The following DMD variants were observed in gnomAD, a reference collection of about 807,000 sequenced individuals.
The protein encoded by DMD is mutant dystrophin.
DMD carries 63 observed loss-of-function variants against 330.1 expected under a neutral mutation model. The observed-to-expected ratio is 0.19, with a 90% CI of 0.16 to 0.24. The LOEUF (loss-of-function observed/expected upper bound fraction) is 0.24, where lower values mean the gene tolerates loss of function less well. Ranked by LOEUF, DMD falls within the 10% of genes least tolerant of loss-of-function variation. The probability of loss-of-function intolerance (pLI) is 1.00; values close to 1 mark genes in which losing one functional copy is unlikely to be tolerated. For missense variants in DMD, 3,344 were observed against 2,684.1 expected (o/e 1.25, Z -5.43); for synonymous variants, 1,223 against 959.8 (o/e 1.27, Z -5.07).
chrX:32,092,759 T>C (rs12394649), intron 44 of DMD, among the ~76,000 whole-genome samples: 1 of 60,914 alleles, frequency 1.6e-5, no homozygotes, highest in African/African-American at 6.1e-5. Context: ...TTTTTTTTTA[T>C]AGAAACACAG....
chrX:32,430,730 T>G (rs1156504654), intron 29 of DMD, among the ~76,000 whole-genome samples: 4 of 111,517 alleles, frequency 3.6e-5, no homozygotes, highest in Non-Finnish European at 7.5e-5. Context: ...CCCTAGCCCC[T>G]GGCAGGAAGC....
At chrX:32,719,895 G>C (rs949702469) in intron 7 of DMD, among the ~76,000 whole-genome samples, 1 of 109,361 alleles carries the variant, frequency 9.1e-6, no homozygotes, top group African/African-American at 3.3e-5. Context: ...CATATAATAC[G>C]TTGTTATCCC....
intron 55 of DMD, among the ~76,000 whole-genome samples, chrX:31,581,464 A>G (rs2076337349): frequency 8.9e-6 from 1 of 112,170 alleles, no homozygotes; most frequent in African/African-American, 3.2e-5. Flanking sequence ...TCCTCACAAG[A>G]CATTCCAGTG....
chrX:32,077,392 T>A (rs777909003), intron 44 of DMD, among the ~76,000 whole-genome samples: 9 of 111,676 alleles, frequency 8.1e-5, no homozygotes, highest in Non-Finnish European at 1.3e-4. Flanking sequence ...CTTATTAATC[T>A]CAGAAAATTT....
rs185602787 is a variant in DMD, at chrX:32,586,597, C to G, written c.1602+9160G>C. On this transcript the variant is annotated intron_variant, in intron 13 of 78. Coordinates refer to ENST00000357033, the MANE Select transcript of DMD (RefSeq NM_004006.3). ...TGAGTTAAATTTACAGGTACGAATA[C>G]ATTACTGTGTTACATAGGTTTCTGT... Among the ~76,000 whole-genome samples the G allele has an allele frequency of 3.2e-3, 347 of 109,556 alleles. 7 individuals are homozygous for G. Among genetic ancestry groups the G allele is most frequent in the Admixed American group, 0.027 (272 of 10,229 alleles).
At chrX:32,618,131 G>C (rs1196794075) in intron 11 of DMD, among the ~76,000 whole-genome samples, 9 of 111,768 alleles carry the variant, frequency 8.1e-5, no homozygotes, top group African/African-American at 2.9e-4. Flanking sequence ...CCTCAAAACA[G>C]AACTACCATT....
chrX:32,153,164 G>A (rs1368564455), intron 44 of DMD, among the ~76,000 whole-genome samples: 1 of 111,756 alleles, frequency 8.9e-6, no homozygotes, highest in African/African-American at 3.2e-5. Context: ...TGGTATTATT[G>A]GAGTGTATTG....
At chrX:32,149,955 A>G (rs2096796245) in intron 44 of DMD, among the ~76,000 whole-genome samples, 1 of 111,741 alleles carries the variant, frequency 8.9e-6, no homozygotes, top group Admixed American at 9.6e-5. Context: ...AAGAAAGCTC[A>G]CGTATTTATG....
intron 57 of DMD, among the ~76,000 whole-genome samples, chrX:31,480,899 C>G (rs896045492): frequency 3.6e-5 from 4 of 111,128 alleles, no homozygotes; most frequent in African/African-American, 1.3e-4. Flanking sequence ...TATAGACTTG[C>G]GCAATATGGG....
intron 2 of DMD, among the ~76,000 whole-genome samples, chrX:32,854,298 C>T (rs758442517): frequency 7.2e-5 from 8 of 111,506 alleles, no homozygotes; most frequent in Non-Finnish European, 1.3e-4. Context: ...TGTTAGGCCA[C>T]AAAACAAGCC....
chrX:33,020,038 A>G (rs2093883203), intron 2 of DMD, 101 bp downstream of exon 2: 1 of 596,908 alleles, frequency 1.7e-6, no homozygotes, highest in Non-Finnish European at 2.6e-6. Context: ...AAATGACACT[A>G]TGAGAGAAAT....
chrX:31,309,716 C>T lies in DMD; in HGVS notation c.9224+13882G>A, dbSNP rs957316093. Reference sequence around the variant, plus strand: ...CCTGAAATAATCACACATGCGTTTCCAAAACATCCATGTTATTTCCCATTA... The same window carrying T: ...CCTGAAATAATCACACATGCGTTTCTAAAACATCCATGTTATTTCCCATTA... On this transcript the variant is annotated intron_variant, in intron 62 of 78. Coordinates refer to ENST00000357033, the MANE Select transcript of DMD (RefSeq NM_004006.3). Among the ~76,000 whole-genome samples, 7 of 111,720 alleles carry T rather than the reference C, an allele frequency of 6.3e-5. No homozygotes were observed. In the Admixed American group the frequency reaches 6.7e-4, roughly 11 times the overall value.
At chrX:31,847,389 T>C (rs769966676) in intron 48 of DMD, among the ~76,000 whole-genome samples, 2 of 111,626 alleles carry the variant, frequency 1.8e-5, no homozygotes, top group Admixed American at 9.6e-5. Context: ...AGAAAGACCA[T>C]TTTGAAGATA....
At chrX:32,696,041 C>A (rs975296031) in intron 9 of DMD, among the ~76,000 whole-genome samples, 6 of 112,090 alleles carry the variant, frequency 5.4e-5, no homozygotes, top group Admixed American at 9.5e-5. Context: ...AGTGATGTGT[C>A]TGGGGAGTGA....
In DMD at chrX:32,379,742, T is replaced by C. The variant is rs146807628; in HGVS notation, c.4845+768A>G. ...ACTTTGAATAATCTGGATAGCCACA[T>C]TGAATTAAAAATAAAGTATAAACGT... On this transcript the variant is annotated intron_variant, in intron 34 of 78. Coordinates refer to ENST00000357033, the MANE Select transcript of DMD (RefSeq NM_004006.3). Among the ~76,000 whole-genome samples the C allele has an allele frequency of 1.1e-3, 125 of 111,576 alleles. 1 individual carries two copies. The highest frequency in any genetic ancestry group is 3.8e-3 in the African/African-American group (117 of 30,795).
At chrX:32,712,309 T>C (rs1027084199) in intron 7 of DMD, among the ~76,000 whole-genome samples, 1 of 111,352 alleles carries the variant, frequency 9.0e-6, no homozygotes, top group East Asian at 2.8e-4. Context: ...TAACAGTCCA[T>C]AGCATGAAAA....
chrX:32,804,664 G>A (rs763175816), intron 7 of DMD, among the ~76,000 whole-genome samples: 6 of 112,397 alleles, frequency 5.3e-5, no homozygotes, highest in Non-Finnish European at 9.4e-5. Context: ...CCTGACCCCC[G>A]TGCCTCCTGC....
chrX:31,938,399 G>GA (rs1335694616), intron 45 of DMD, among the ~76,000 whole-genome samples: 3 of 111,792 alleles, frequency 2.7e-5, no homozygotes, highest in African/African-American at 6.5e-5. Flanking sequence ...GAGATACAAT[G>GA]ATCACCTGTT....
intron 2 of DMD, among the ~76,000 whole-genome samples, chrX:32,878,489 A>G (rs1052805088): frequency 1.8e-5 from 2 of 112,181 alleles, no homozygotes; most frequent in Admixed American, 1.9e-4. Context: ...ATAATCCATT[A>G]ACACAATATG....
Sources: gnomAD v4.1 joint callset for allele counts (sites outside exome capture counted in the v4.1 genomes callset) on GRCh38, gnomAD v4.1.1 for gene constraint, MANE v1.5 for transcripts, NCBI Gene and HGNC (gene_info 2026-07-23, HGNC 2026-07-21) for gene names.